The following ANK2 variants were observed in gnomAD, a reference collection of about 807,000 sequenced individuals.
The protein encoded by ANK2 is ankyrin 2.
In ANK2, 83 loss-of-function variants were observed where a neutral mutation model predicts 360.5. The observed-to-expected ratio is 0.23, with a 90% CI of 0.19 to 0.28. ANK2 has a LOEUF of 0.28. Ranked by LOEUF, ANK2 falls within the 10% of genes least tolerant of loss-of-function variation. The probability of loss-of-function intolerance (pLI) is 1.00; values close to 1 mark genes in which losing one functional copy is unlikely to be tolerated. For missense variants in ANK2, 4,201 were observed against 4,795.7 expected (o/e 0.88, Z 3.66); for synonymous variants, 1,740 against 1,759.5 (o/e 0.99, Z 0.28).
At chr4:113,238,720 A>C (rs951670694) in intron 7 of ANK2, among the ~76,000 whole-genome samples, 11 of 152,176 alleles carry the variant, frequency 7.2e-5, no homozygotes, top group Non-Finnish European at 1.5e-4. Context: ...GCTTGAAGAC[A>C]ATAGAGTAAA....
chr4:113,103,948 C>T (rs1270368011), intron 1 of ANK2, among the ~76,000 whole-genome samples: 1 of 152,098 alleles, frequency 6.6e-6, no homozygotes, highest in Non-Finnish European at 1.5e-5. Flanking sequence ...TTCCTCCATG[C>T]CTTTGATTCC....
At chr4:113,285,527 A>T (rs181691373) in intron 18 of ANK2, among the ~76,000 whole-genome samples, 12 of 152,210 alleles carry the variant, frequency 7.9e-5, no homozygotes, top group African/African-American at 2.9e-4. Flanking sequence ...ACAGTTTCTT[A>T]TAAAGGCTAT....
chr4:113,163,140 T>C lies in ANK2; in HGVS notation c.85-11276T>C, dbSNP rs192912177. 2.8e-3 allele frequency among the ~76,000 whole-genome samples: 419 copies of C among 152,304 alleles called. 3 individuals are homozygous for C. The highest frequency in any genetic ancestry group is 9.6e-3 in the African/African-American group (400 of 41,550). On this transcript the variant is annotated intron_variant, in intron 1 of 45. Coordinates refer to ENST00000357077, the MANE Select transcript of ANK2 (RefSeq NM_001148.6). ...TTCTTTAGTCTCTTAAAAAATTTTA[T>C]GTTAAAAAGATTTGTTGACACTGTT...
intron 4 of ANK2, among the ~76,000 whole-genome samples, chr4:113,223,623 T>A (rs182026097): frequency 6.6e-6 from 1 of 152,262 alleles, no homozygotes; most frequent in African/African-American, 2.4e-5. Context: ...GATATGAGTT[T>A]CTTTTCCAAA....
chr4:113,340,353 T>C (rs1380285996), intron 32 of ANK2, among the ~76,000 whole-genome samples: 1 of 152,110 alleles, frequency 6.6e-6, no homozygotes, highest in African/African-American at 2.4e-5. Context: ...AATGAGAAGG[T>C]GTAGTGGGGG....
the ANK2 span, among the ~76,000 whole-genome samples, chr4:112,805,270 G>T: frequency 6.6e-6 from 1 of 152,104 alleles, no homozygotes; most frequent in African/African-American, 2.4e-5. Context: ...CAGAGAAATG[G>T]GAAATTCTTT....
At chr4:112,803,882 A>G in the ANK2 span, among the ~76,000 whole-genome samples, 2 of 152,070 alleles carry the variant, frequency 1.3e-5, no homozygotes, top group African/African-American at 4.8e-5. Flanking sequence ...TAAATTTCCA[A>G]ATAGTATAAT....
intron 2 of ANK2, among the ~76,000 whole-genome samples, chr4:113,195,567 C>G (rs1417217438): frequency 6.6e-6 from 1 of 152,032 alleles, no homozygotes; most frequent in African/African-American, 2.4e-5. Flanking sequence ...TTAAATTATT[C>G]AGTATCAATA....
chr4:112,943,593 C>T (rs986911215), intron 2 of ANK2, among the ~76,000 whole-genome samples: 1 of 152,062 alleles, frequency 6.6e-6, no homozygotes, highest in South Asian at 2.1e-4. Flanking sequence ...GTCTCCTTAC[C>T]TTTAAAACAG....
At position 113,213,258 on chromosome 4, in the gene ANK2, A is replaced by G. The variant is rs1157166916; in HGVS notation, c.384+14149A>G. 2.0e-5 allele frequency among the ~76,000 whole-genome samples: 3 copies of G among 152,204 alleles called. No individual in the cohort carries two copies. The East Asian group carries it at 5.8e-4, about 29-fold the overall frequency. ...TATTGTGTTTACATTTGCTTGTGTCATAATAGTAAAATGATTTTTGAAGTG... is the reference window on the plus strand; with the variant it reads ...TATTGTGTTTACATTTGCTTGTGTCGTAATAGTAAAATGATTTTTGAAGTG... On this transcript the variant is annotated intron_variant, in intron 4 of 45. Transcript: ENST00000357077.
chr4:113,241,591 C>T (rs1403940026), intron 8 of ANK2, among the ~76,000 whole-genome samples: 1 of 152,218 alleles, frequency 6.6e-6, no homozygotes, highest in Non-Finnish European at 1.5e-5. Flanking sequence ...CCTCCCACCT[C>T]AACTTCCCAA....
intron 2 of ANK2, among the ~76,000 whole-genome samples, chr4:113,027,308 C>T (rs564873266): frequency 6.6e-6 from 1 of 152,202 alleles, no homozygotes; most frequent in African/African-American, 2.4e-5. Context: ...ACAGAATATA[C>T]GCTATCTCTC....
rs557115932 is a variant in ANK2, at chr4:112,908,264, G to A, written c.21+3750G>A. Among the ~76,000 whole-genome samples the A allele has an allele frequency of 6.6e-5, 10 of 152,300 alleles. No individual in the cohort carries two copies. In the South Asian group the frequency reaches 2.1e-3, roughly 32 times the overall value. ...TGTTAATAGTCAGCAATGCAATGAG[G>A]TGGATATTATAACTTGGTTTTACAT... On this transcript the variant is annotated intron_variant, in intron 2 of 30. Coordinates refer to the ANK2 transcript ENST00000503271.
chr4:113,029,544 T>G (rs1319480317), intron 2 of ANK2, among the ~76,000 whole-genome samples: 2 of 152,106 alleles, frequency 1.3e-5, no homozygotes, highest in African/African-American at 4.8e-5. Context: ...TGGGTATTTT[T>G]AAAAGATAGC....
At chr4:113,233,283 C>A (rs948505306) in intron 5 of ANK2, among the ~76,000 whole-genome samples, 4 of 149,478 alleles carry the variant, frequency 2.7e-5, no homozygotes, top group Non-Finnish European at 5.9e-5. Context: ...TACAGGCGCC[C>A]GCCACTACGC....
At position 113,277,383 on chromosome 4, in the gene ANK2, A is replaced by G. The variant is rs72900024; in HGVS notation, c.1684-454A>G. On this transcript the variant is annotated intron_variant, in intron 15 of 45. Transcript: ENST00000357077. ...TAATTCACGAATACTTGTTTTTACT[A>G]TGGCTGCCAAAATATCCTAAAATTT... Among the ~76,000 whole-genome samples, 990 of 152,326 alleles carry G rather than the reference A, an allele frequency of 6.5e-3. 12 individuals carry two copies. Among genetic ancestry groups the G allele is most frequent in the African/African-American group, 0.023 (941 of 41,566 alleles).
chr4:112,969,714 T>G (rs2038741082), intron 2 of ANK2, among the ~76,000 whole-genome samples: 1 of 152,244 alleles, frequency 6.6e-6, no homozygotes, highest in Non-Finnish European at 1.5e-5. Context: ...CATTCTTACA[T>G]CTAACCCAAA....
rs746908350 is a variant in ANK2 at position 113,348,250 on chromosome 4, C to T, written c.4372-26C>T. The T allele has an allele frequency of 9.3e-6, 15 of 1,612,104 alleles. No homozygotes were observed. In the Admixed American group the frequency reaches 2.3e-4, roughly 25 times the overall value. On this transcript the variant is annotated intron_variant, in intron 35 of 45. Transcript: ENST00000357077. ...ACTCTTCCTTCTCTCTTTTTTCCAT[C>T]TTGCATGGCATCTTGGGGCGGAAAG...
intron 1 of ANK2, among the ~76,000 whole-genome samples, chr4:113,068,160 A>G (rs2076278484): frequency 6.6e-6 from 1 of 152,208 alleles, no homozygotes; most frequent in South Asian, 2.1e-4. Context: ...CATCTTTGCA[A>G]CAATCACTAT....
Sources: allele counts gnomAD v4.1 joint callset (sites outside exome capture counted in the v4.1 genomes callset), GRCh38; gene constraint gnomAD v4.1.1; transcripts MANE v1.5; gene names NCBI Gene and HGNC (gene_info 2026-07-23, HGNC 2026-07-21).